Variants in MGAT4D observed in about 807,000 individuals in gnomAD.
The protein encoded by MGAT4D is alpha-1,3-mannosyl-glycoprotein 4-beta-N-acetylglucosaminyltransferase-like protein MGAT4D.
In MGAT4D, 34 loss-of-function variants were observed where a neutral mutation model predicts 15.9. The ratio of observed to expected loss-of-function variants is 2.14; its 90% confidence interval spans 1.62 to 2.84. The LOEUF is 2.84. Ranked by LOEUF, MGAT4D falls within the 30% of genes most tolerant of loss-of-function variation. The probability of loss-of-function intolerance (pLI) is 0.00; values close to 1 mark genes in which losing one functional copy is unlikely to be tolerated. For missense variants in MGAT4D, 327 were observed against 140.2 expected (o/e 2.33, Z -6.73); for synonymous variants, 112 against 48.2 (o/e 2.33, Z -5.49).
intron 10 of MGAT4D, among the ~76,000 whole-genome samples, chr4:140,447,119 T>C (rs1184028571): frequency 6.6e-6 from 1 of 152,162 alleles, no homozygotes; most frequent in African/African-American, 2.4e-5. Context: ...AGGATTGTTT[T>C]ATGTCCAATT....
At chr4:140,497,575 A>C (rs1235056835) in intron 1 of MGAT4D, among the ~76,000 whole-genome samples, 2 of 152,138 alleles carry the variant, frequency 1.3e-5, no homozygotes, top group Non-Finnish European at 2.9e-5. Flanking sequence ...GGTCCATCGG[A>C]GAAGTCCAGG....
chr4:140,452,994 T>C (rs1459340593), intron 9 of MGAT4D, among the ~76,000 whole-genome samples: 1 of 152,152 alleles, frequency 6.6e-6, no homozygotes, highest in South Asian at 2.1e-4. Flanking sequence ...CCAGTAAACA[T>C]TTGTGATAAG....
chr4:140,469,773 C>A (rs896400085), intron 5 of MGAT4D, among the ~76,000 whole-genome samples: 8 of 152,150 alleles, frequency 5.3e-5, no homozygotes, highest in Non-Finnish European at 8.8e-5. Context: ...TTGTTTAAGT[C>A]GGGGGAATAA....
chr4:140,459,319 A>C, intron 8 of MGAT4D, 193 bp downstream of exon 8: 1 of 277,876 alleles, frequency 3.6e-6, no homozygotes, highest in Non-Finnish European at 6.7e-6. Flanking sequence ...TCTAGAAAAA[A>C]GTTTGGTTAA....
Position 140,474,771 on chromosome 4 carries a change from A to G in MGAT4D, c.525+42T>C, listed in dbSNP as rs1434606091. ...CATTGAGGAAGGGAATTTGGAGACC[A>G]TAGGGTGAGGATAAGGAGAGCTCCT... On this transcript the variant is annotated intron_variant, in intron 4 of 10. Coordinates refer to ENST00000511113, the MANE Select transcript of MGAT4D (RefSeq NM_001277353.2). 5 of 572,570 alleles carry G rather than the reference A, an allele frequency of 8.7e-6. No homozygotes were observed. The East Asian group carries it at 1.5e-4, about 18-fold the overall frequency. The allele number at this position is 572,570 out of a possible 1,614,324, so 35.5% of individuals were successfully genotyped here. A position where few individuals can be genotyped will look rare whatever the true frequency, so the allele number is the denominator to read the frequency against.
At chr4:140,450,138 A>G in intron 10 of MGAT4D, 1 of 349,630 alleles carries the variant, frequency 2.9e-6, no homozygotes, top group South Asian at 6.7e-5. Context: ...AAATTTAACA[A>G]ATAATTTAAA....
chr4:140,484,505 T>C (rs973928911), intron 1 of MGAT4D, among the ~76,000 whole-genome samples: 12 of 152,116 alleles, frequency 7.9e-5, no homozygotes, highest in Non-Finnish European at 1.5e-4. Flanking sequence ...GGACTTCATG[T>C]CTAAAACACC....
At chr4:140,486,250 T>C (rs146293702) in intron 1 of MGAT4D, among the ~76,000 whole-genome samples, 165 of 148,508 alleles carry the variant, frequency 1.1e-3, no homozygotes, top group Admixed American at 5.9e-3. Context: ...TATCCTGTTG[T>C]GGCAGAAGGT....
At chr4:140,494,772 CG>C (rs1560806486) in intron 1 of MGAT4D, among the ~76,000 whole-genome samples, 1 of 152,126 alleles carries the variant, frequency 6.6e-6, no homozygotes, top group South Asian at 2.1e-4. Context: ...ACTGTCACAA[CG>C]GGAGAGGGGG....
intron 1 of MGAT4D, among the ~76,000 whole-genome samples, chr4:140,496,286 C>T (rs1733829214): frequency 1.3e-5 from 2 of 152,114 alleles, no homozygotes; most frequent in East Asian, 3.9e-4. Context: ...GAGCTAAGTT[C>T]CACAGAAAGG....
At chr4:140,494,810 A>G (rs1733730307) in intron 1 of MGAT4D, among the ~76,000 whole-genome samples, 1 of 152,272 alleles carries the variant, frequency 6.6e-6, no homozygotes, top group East Asian at 1.9e-4. Flanking sequence ...TCCTGGATAG[A>G]ACCCATGGAT....
Position 140,442,587 on chromosome 4 carries a change from G to A in MGAT4D, c.*849C>T, listed in dbSNP as rs1214849162. ...AGAGAATTTTGCACCCAATAGATAG[G>A]AATACTTTTAAGAGATATTTTTAAA... On this transcript the variant is annotated 3_prime_UTR_variant, in exon 11 of 11. Coordinates refer to ENST00000511113, the MANE Select transcript of MGAT4D (RefSeq NM_001277353.2). 3 of 151,922 alleles carry A rather than the reference G, an allele frequency of 2.0e-5. No homozygotes were observed. The highest frequency in any genetic ancestry group is 4.8e-5 in the African/African-American group (2 of 41,362). 9.4% of individuals were successfully genotyped at this position (151,922 alleles called of 1,614,324 possible). A position where few individuals can be genotyped will look rare whatever the true frequency, so the allele number is the denominator to read the frequency against.
intron 1 of MGAT4D, among the ~76,000 whole-genome samples, chr4:140,490,444 C>A (rs562340019): frequency 6.6e-6 from 1 of 152,208 alleles, no homozygotes; most frequent in South Asian, 2.1e-4. Context: ...CTTTCATATG[C>A]GATGGGTCTG....
At chr4:140,497,777 T>C (rs188248436) in intron 1 of MGAT4D, among the ~76,000 whole-genome samples, 197 of 152,272 alleles carry the variant, frequency 1.3e-3, no homozygotes, top group Middle Eastern at 3.4e-3. Context: ...CAGACAGCCA[T>C]AGTTTCGAGA....
At chr4:140,450,130 A>AT (rs1274873526) in intron 10 of MGAT4D, 1 of 356,080 alleles carries the variant, frequency 2.8e-6, no homozygotes, top group Non-Finnish European at 5.1e-6. Flanking sequence ...CCTGTTAAAA[A>AT]TTTAACAAAT....
chr4:140,493,456 C>T (rs554099686), intron 1 of MGAT4D, among the ~76,000 whole-genome samples: 21 of 151,860 alleles, frequency 1.4e-4, no homozygotes, highest in South Asian at 2.1e-4. Context: ...CGACCATGCC[C>T]GGCTAATTTT....
intron 1 of MGAT4D, among the ~76,000 whole-genome samples, chr4:140,494,157 A>G (rs1733685211): frequency 1.3e-5 from 2 of 152,240 alleles, no homozygotes; most frequent in African/African-American, 4.8e-5. Flanking sequence ...AAAACAGGAC[A>G]CTAGAATTCC....
intron 4 of MGAT4D, 127 bp from the exon 5 acceptor site, chr4:140,471,948 T>C (rs148339359): frequency 2.8e-5 from 7 of 253,490 alleles, no homozygotes; most frequent in Non-Finnish European, 5.1e-5. Context: ...ATTTTTAGTG[T>C]TTTTACTTTC....
intron 1 of MGAT4D, among the ~76,000 whole-genome samples, chr4:140,486,694 T>C (rs1440921538): frequency 6.6e-6 from 1 of 152,248 alleles, no homozygotes; most frequent in African/African-American, 2.4e-5. Context: ...TTGCATATAG[T>C]TCTTATACAA....
Sources: gnomAD v4.1 joint callset for allele counts (sites outside exome capture counted in the v4.1 genomes callset) on GRCh38, gnomAD v4.1.1 for gene constraint, MANE v1.5 for transcripts, NCBI Gene and HGNC (gene_info 2026-07-23, HGNC 2026-07-21) for gene names.